LCLAT1: variants seen among roughly 807,000 people sequenced by gnomAD.
The protein encoded by LCLAT1 is lysocardiolipin acyltransferase 1, also known as 1-AGP acyltransferase 8.
Under a neutral mutation model 30.7 loss-of-function variants are expected in LCLAT1, and 11 were observed. That is an observed-to-expected ratio of 0.36 (90% CI 0.23 to 0.59). The LOEUF is 0.59. LCLAT1 is among the 20% of genes least tolerant of loss of function. The pLI is 0.77. For synonymous variants in LCLAT1, 155 were observed against 151.3 expected, an observed-to-expected ratio of 1.02 and a Z score of -0.18; for missense variants, 402 against 458.6, an observed-to-expected ratio of 0.88 and a Z score of 1.13.
chr2:30,496,278 C>T (rs113284795), intron 1 of LCLAT1, among the ~76,000 whole-genome samples: 3,649 of 152,278 alleles, frequency 0.024, 133 homozygotes, highest in African/African-American at 0.082. Flanking sequence ...GGTGGGGACA[C>T]AGACCCAAAC....
chr2:30,566,779 AT>A (rs1313804311), intron 4 of LCLAT1, among the ~76,000 whole-genome samples: 1 of 152,156 alleles, frequency 6.6e-6, no homozygotes, highest in East Asian at 1.9e-4. Context: ...TTCCAAATGT[AT>A]TTGCTGAATA....
rs918315477 is a variant in LCLAT1, at chr2:30,461,973, T to C, written c.-5+14590T>C. 2.6e-5 allele frequency among the ~76,000 whole-genome samples: 4 copies of C among 151,426 alleles called. No homozygotes were observed. The South Asian group carries it at 6.3e-4, about 24-fold the overall frequency. On this transcript the variant is annotated intron_variant, in intron 1 of 5. Coordinates refer to ENST00000379509, the MANE Select transcript of LCLAT1 (RefSeq NM_001002257.3). ...TTTTTTAGTAGAGACGGGGTTTCAC[T>C]GTGTTAGCCAGGATGGTCTCGATCT...
At chr2:30,567,374 T>G (rs374384193) in intron 4 of LCLAT1, among the ~76,000 whole-genome samples, 79 of 152,286 alleles carry the variant, frequency 5.2e-4, no homozygotes, top group African/African-American at 1.1e-3. Context: ...ATTTTAACAC[T>G]TTTTTTCTTT....
At chr2:30,509,811 G>A (rs1018257514) in intron 1 of LCLAT1, among the ~76,000 whole-genome samples, 1 of 152,056 alleles carries the variant, frequency 6.6e-6, no homozygotes, top group Admixed American at 6.6e-5. Context: ...TGATCCACCC[G>A]CCTTGGCCTT....
At chr2:30,577,539 T>C (rs75341709) in intron 5 of LCLAT1, among the ~76,000 whole-genome samples, 1,535 of 152,266 alleles carry the variant, frequency 0.01, 24 homozygotes, top group African/African-American at 0.034. Flanking sequence ...CATAATTTCA[T>C]TGTGGTTCAC....
chr2:30,598,029 T>A (rs1667006311), intron 5 of LCLAT1, among the ~76,000 whole-genome samples: 2 of 152,218 alleles, frequency 1.3e-5, no homozygotes, highest in African/African-American at 4.8e-5. Context: ...GATAGGCTGC[T>A]GGTTTCAGTT....
intron 5 of LCLAT1, among the ~76,000 whole-genome samples, chr2:30,613,248 G>C (rs11127281): frequency 0.085 from 12,948 of 152,188 alleles, 598 homozygotes; most frequent in East Asian, 0.12. Flanking sequence ...CAGCCACTGG[G>C]GAGAAGGGGT....
At chr2:30,604,492 A>G (rs1252603715) in intron 5 of LCLAT1, among the ~76,000 whole-genome samples, 10 of 152,118 alleles carry the variant, frequency 6.6e-5, no homozygotes, top group South Asian at 2.1e-4. Context: ...GTGTTCCAAT[A>G]AAACTTTATT....
chr2:30,495,408 CTGAAA>C (rs1684061113), intron 1 of LCLAT1, among the ~76,000 whole-genome samples: 2 of 151,918 alleles, frequency 1.3e-5, no homozygotes, highest in South Asian at 4.2e-4. Context: ...CCTTAGTGTC[CTGAAA>C]TGAAATTCCT....
At chr2:30,602,040 T>C (rs779989919) in intron 5 of LCLAT1, among the ~76,000 whole-genome samples, 1 of 152,086 alleles carries the variant, frequency 6.6e-6, no homozygotes, top group African/African-American at 2.4e-5. Flanking sequence ...TGACAGACTT[T>C]CCTTTTGTTA....
intron 5 of LCLAT1, among the ~76,000 whole-genome samples, chr2:30,633,189 G>T (rs569545458): frequency 2.0e-5 from 3 of 152,082 alleles, no homozygotes; most frequent in Non-Finnish European, 2.9e-5. Flanking sequence ...TATCTTCTTA[G>T]AGTAACTTTT....
At chr2:30,454,323 T>C (rs1326060845) in intron 1 of LCLAT1, among the ~76,000 whole-genome samples, 1 of 152,258 alleles carries the variant, frequency 6.6e-6, no homozygotes, top group African/African-American at 2.4e-5. Context: ...GGTTTATTGT[T>C]TGTGTTATAA....
chr2:30,504,024 T>C, intron 1 of LCLAT1, among the ~76,000 whole-genome samples: 1 of 152,248 alleles, frequency 6.6e-6, no homozygotes, highest in Non-Finnish European at 1.5e-5. Context: ...ACTGGCCTCT[T>C]TGAGTTGTGA....
chr2:30,564,619 AT>A (rs57342697), intron 4 of LCLAT1, among the ~76,000 whole-genome samples: 13,998 of 152,110 alleles, frequency 0.092, 1,338 homozygotes, highest in African/African-American at 0.24. Context: ...AGTTTTAAAC[AT>A]TTTTTTAACA....
intron 1 of LCLAT1, among the ~76,000 whole-genome samples, chr2:30,495,191 A>G (rs1198707802): frequency 6.6e-6 from 1 of 152,126 alleles, no homozygotes; most frequent in Admixed American, 6.6e-5. Context: ...AAGTGCAGAA[A>G]CAGATTTAGG....
At chr2:30,625,603 C>T (rs547254298) in intron 5 of LCLAT1, among the ~76,000 whole-genome samples, 1 of 152,214 alleles carries the variant, frequency 6.6e-6, no homozygotes, top group South Asian at 2.1e-4. Flanking sequence ...CAAAATCACA[C>T]AGAAAGATGG....
At chr2:30,469,800 A>G (rs186198284) in intron 1 of LCLAT1, among the ~76,000 whole-genome samples, 252 of 151,900 alleles carry the variant, frequency 1.7e-3, no homozygotes, top group African/African-American at 5.8e-3. Flanking sequence ...TTTAGTAGAG[A>G]GCCAGGATGG....
chr2:30,523,443 C>G (rs1558495085), intron 1 of LCLAT1, among the ~76,000 whole-genome samples: 2 of 152,142 alleles, frequency 1.3e-5, no homozygotes, highest in African/African-American at 4.8e-5. Flanking sequence ...TTTTCTCTAC[C>G]ATTATTACTC....
intron 5 of LCLAT1, among the ~76,000 whole-genome samples, chr2:30,598,614 G>A (rs1308160566): frequency 6.6e-6 from 1 of 151,694 alleles, no homozygotes; most frequent in East Asian, 1.9e-4. Flanking sequence ...TCATTGATTT[G>A]TTTTTATTTT....
Sources: allele counts gnomAD v4.1 joint callset (sites outside exome capture counted in the v4.1 genomes callset), GRCh38; gene constraint gnomAD v4.1.1; transcripts MANE v1.5; gene names NCBI Gene and HGNC (gene_info 2026-07-23, HGNC 2026-07-21).